Variants in OBSL1 observed in about 807,000 individuals in gnomAD.
OBSL1 encodes obscurin-like protein 1.
A neutral mutation model predicts 172.0 loss-of-function variants in OBSL1; 160 were observed. The observed-to-expected ratio is 0.93, with a 90% CI of 0.82 to 1.06. The LOEUF is 1.06. Among genes scored for constraint, OBSL1 ranks in the 50% least tolerant of loss-of-function variants. OBSL1 has a pLI of 0.00. For missense variants in OBSL1, 2,681 were observed against 2,715.4 expected (o/e 0.99, Z 0.28); for synonymous variants, 1,200 against 1,196.3 (o/e 1.00, Z -0.06).
At position 219,571,298 on chromosome 2, in the gene OBSL1, G is replaced by C. The variant is rs1178460789; in HGVS notation, c.-66C>G. ...CAGGGGGGGGTGCGGAGGGCGAGCCGAGGCCCGGGGCGGCGGGGTCGGGGC... is the reference window on the plus strand; with the variant it reads ...CAGGGGGGGGTGCGGAGGGCGAGCCCAGGCCCGGGGCGGCGGGGTCGGGGC... On this transcript the variant is annotated 5_prime_UTR_variant, in exon 1 of 21. Transcript: ENST00000404537. 8 of 985,444 alleles carry C rather than the reference G, an allele frequency of 8.1e-6. No individual in the cohort carries two copies. Among genetic ancestry groups the C allele is most frequent in the East Asian group, 6.8e-5 (2 of 29,326 alleles). The allele number at this position is 985,444 out of a possible 1,614,324, so 61.0% of individuals were successfully genotyped here.
rs758572478 is a variant in OBSL1 at position 219,567,772 on chromosome 2, C to T, written c.1480G>A (p.Glu494Lys). Residue 494 changes from glutamate to lysine, a missense_variant, in exon 3 of 21, where the codon GAG (glutamate) becomes AAG (lysine). Physicochemically the swap from Glu to Lys is moderately conservative, Grantham distance 56. This residue lies in a region of OBSL1 where 706 missense variants were observed against 695.8 expected (regional missense o/e 1.01). Coordinates refer to ENST00000404537, the MANE Select transcript of OBSL1 (RefSeq NM_015311.3). ...GAGTTGCCCAGGCTAAAGGTGACCT[C>T]GCCAGCATCCTCTCGGGTGACCCCT... is the stretch of plus-strand genomic sequence containing the variant. ...LPGVTREDAG[E>K]VTFSLGNSRT... The T allele has an allele frequency of 2.7e-5, 43 of 1,613,758 alleles. No homozygotes were observed. In the South Asian group the frequency reaches 2.9e-4, roughly 11 times the overall value.
At position 219,552,506 on chromosome 2, in the gene OBSL1, G is replaced by T. The variant is rs60549465; in HGVS notation, c.5308+30C>A. On this transcript the variant is annotated intron_variant, in intron 18 of 20. Transcript: ENST00000404537. ...GTTCGAGCCTGGGCGGGGCAGCGAG[G>T]GGCCCGAAAGGGTAACCAGGCGGGC... 699,812 of 1,574,090 alleles carry T rather than the reference G, an allele frequency of 0.44. 160,415 individuals carry two copies. Among genetic ancestry groups the T allele is most frequent in the Admixed American group, 0.51 (29,539 of 57,606 alleles).
intron 20 of OBSL1, 105 bp downstream of exon 20, chr2:219,551,424 C>A: frequency 7.1e-7 from 1 of 1,406,752 alleles, no homozygotes; most frequent in Non-Finnish European, 9.5e-7. Flanking sequence ...TATCCCAGGA[C>A]CCGTTGCCAC....
intron 17 of OBSL1, 28 bp from the exon 18 acceptor site, chr2:219,552,725 G>A (rs1227858367): frequency 2.0e-6 from 3 of 1,516,018 alleles, no homozygotes; most frequent in East Asian, 2.5e-5. Context: ...GCGTGAGCGG[G>A]GCGGGGCAGA....
At position 219,563,458 on chromosome 2, in the gene OBSL1, C is replaced by A. The variant is rs141559295; in HGVS notation, c.2577G>T (p.Gly859=). ...CGGGCAGCACCAGGCGGCGATGGGG[C>A]CCCTCATTCTCCAGCACCACGAAGT... The part of the protein sequence containing the change: ...ESDFVVLENE[G]PHRRLVLPAT... Residue 859 remains glycine, a synonymous_variant, in exon 7 of 21, where the codon GGG becomes GGT. Coordinates refer to ENST00000404537, the MANE Select transcript of OBSL1 (RefSeq NM_015311.3). The A allele has an allele frequency of 1.1e-3, 1,829 of 1,613,834 alleles. 38 individuals are homozygous for A. The East Asian group carries it at 0.036, about 32-fold the overall frequency.
intron 8 of OBSL1, 86 bp downstream of exon 8, chr2:219,562,316 C>T (rs899680179): frequency 2.1e-5 from 31 of 1,512,166 alleles, no homozygotes; most frequent in African/African-American, 1.1e-4. Context: ...CCCTCCTCCC[C>T]GGGGTGCTAG....
Position 219,551,608 on chromosome 2 carries a change from A to T in OBSL1, c.5604T>A (p.His1868Gln). Residue 1868 changes from histidine (H) to glutamine (Q), a missense_variant, in exon 20 of 21, where the codon CAT (histidine) becomes CAA (glutamine). His to Gln is a conservative substitution (Grantham distance 24). Coordinates refer to ENST00000404537, the MANE Select transcript of OBSL1 (RefSeq NM_015311.3). ...SHGPTHSLVI[H>Q]DVRPEDQGTY... ...TGCCTTGGTCCTCAGGTCGAACGTCATGGATGACCAGGCTGTGGGTGGGGC... is the reference window on the plus strand; with the variant it reads ...TGCCTTGGTCCTCAGGTCGAACGTCTTGGATGACCAGGCTGTGGGTGGGGC... 6.2e-7 allele frequency: 1 copy of T among 1,611,390 alleles called. No individual in the cohort carries two copies. Among genetic ancestry groups the T allele is most frequent in the South Asian group, 1.1e-5 (1 of 90,432 alleles).
chr2:219,555,958 G>C, intron 14 of OBSL1, 62 bp downstream of exon 14: 1 of 1,578,542 alleles, frequency 6.3e-7, no homozygotes, highest in East Asian at 2.3e-5. Context: ...GGGACTCCAG[G>C]ACAGCCAGAA....
downstream of OBSL1, chr2:219,548,026 G>C: frequency 6.3e-7 from 1 of 1,590,350 alleles, no homozygotes; most frequent in Non-Finnish European, 8.5e-7. Context: ...TGCTCAGCCT[G>C]ATGGGCGTTC....
intron 7 of OBSL1, chr2:219,563,076 C>A: frequency 2.0e-6 from 1 of 502,488 alleles, no homozygotes. Context: ...TCTGCCCTAC[C>A]CTGCAATAGA....
rs760689080 is a variant in OBSL1 at position 219,558,232 on chromosome 2, C to G, written c.3454G>C (p.Val1152Leu). Residue 1152 changes from valine (V) to leucine (L), a missense_variant, in exon 10 of 21, where the codon GTG (valine) becomes CTG (leucine). By Grantham distance (32) the Val-to-Leu change is conservative. This residue lies in a region of OBSL1 where 1,765 missense variants were observed against 1,748.3 expected (regional missense o/e 1.01). Coordinates refer to ENST00000404537, the MANE Select transcript of OBSL1 (RefSeq NM_015311.3). ...ATGGCCTCATGCCGGGTCTCACACA[C>G]ATACTCCCCGGCGTCCTCAGGCTGG... The part of the protein sequence containing the change: ...HAQPEDAGEY[V>L]CETRHEAITF... 3 of 1,610,676 alleles carry G rather than the reference C, an allele frequency of 1.9e-6. No individual in the cohort carries two copies. Among genetic ancestry groups the G allele is most frequent in the Non-Finnish European group, 2.5e-6 (3 of 1,178,008 alleles).
At chr2:219,552,750 C>A in intron 17 of OBSL1, 53 bp from the exon 18 acceptor site, 1 of 1,512,574 alleles carries the variant, frequency 6.6e-7, no homozygotes. Flanking sequence ...AGTTACCGGT[C>A]ACGCCCCCTC....
chr2:219,555,035 G>GTTTT, intron 14 of OBSL1: 2 of 437,746 alleles, frequency 4.6e-6, no homozygotes, highest in East Asian at 7.1e-5. Flanking sequence ...GGAATTTGGA[G>GTTTT]TCAGACACAC....
rs758669839 is a variant in OBSL1 at position 219,570,466 on chromosome 2, C to T, written c.767G>A (p.Trp256Ter). The change falls in exon 1 of 21, where the codon TGG becomes TAG. Residue 256 changes from tryptophan to a stop codon, truncating the protein, a stop_gained. Coordinates refer to ENST00000404537, the MANE Select transcript of OBSL1 (RefSeq NM_015311.3). LOFTEE classifies it high-confidence loss of function. The part of the protein sequence containing the change: ...EPLKCAPKTF[W>*]VNEGKHAKFR... ...CTTGGCGTGCTTGCCCTCGTTCACC[C>T]AGAAGGTCTTAGGCGCGCACTTGAG... 1.2e-6 allele frequency: 2 copies of T among 1,612,880 alleles called. No individual in the cohort carries two copies. The highest frequency in any genetic ancestry group is 1.3e-5 in the African/African-American group (1 of 74,882).
At chr2:219,547,727 G>A (rs761312509), downstream of OBSL1, 26 of 1,586,326 alleles carry the variant, frequency 1.6e-5, no homozygotes, top group Middle Eastern at 1.8e-4. Flanking sequence ...CCTGCTGCTC[G>A]CAGCTGCTGC....
Position 219,558,344 on chromosome 2 carries a change from C to T in OBSL1, c.3342G>A (p.Trp1114Ter), listed in dbSNP as rs903158571. The T allele has an allele frequency of 2.5e-6, 4 of 1,612,444 alleles. No homozygotes were observed. The highest frequency in any genetic ancestry group is 2.7e-5 in the African/African-American group (2 of 74,928). Residue 1114 changes from tryptophan (W) to a stop codon, truncating the protein, a stop_gained, in exon 10 of 21, where the codon TGG (tryptophan) becomes TGA (stop). Coordinates refer to ENST00000404537, the MANE Select transcript of OBSL1 (RefSeq NM_015311.3). LOFTEE classifies it high-confidence loss of function. ...CCTCCACTTCCAGCCCGTCCTTGTA[C>T]CAGCGCACCTGAGACCCAGCTGGGG... ...EVAPAGSQVR[W>*]YKDGLEVEAS...
chr2:219,558,060 C>T lies in OBSL1; in HGVS notation c.3553G>A (p.Val1185Met), dbSNP rs1696164999. 6.2e-7 allele frequency: 1 copy of T among 1,613,566 alleles called. No homozygotes were observed. Among genetic ancestry groups the T allele is most frequent in the African/African-American group, 1.3e-5 (1 of 74,946 alleles). Residue 1185 changes from valine (V) to methionine (M), a missense_variant, in exon 11 of 21, where the codon GTG becomes ATG. Transcript: ENST00000404537. ...ALETTPSPLC[V>M]APGEPVVLSC... is the part of the protein sequence containing the mutation. ...AGCACCACTGGCTCCCCAGGGGCCA[C>T]ACAGAGCGGGCTTGGAGTTGTCTCT...
At chr2:219,559,620 G>T in intron 8 of OBSL1, 123 bp from the exon 9 acceptor site, 2 of 840,452 alleles carry the variant, frequency 2.4e-6, no homozygotes, top group Non-Finnish European at 3.7e-6. Context: ...ATAATAATAA[G>T]CAATAATAGG....
Position 219,571,272 on chromosome 2 carries a change from G to A in OBSL1, c.-40C>T, listed in dbSNP as rs780591911. ...GCCTGCAGCGGCGAACGGTGGGGGG[G>A]CAGGGGGGGGTGCGGAGGGCGAGCC... On this transcript the variant is annotated 5_prime_UTR_variant, in exon 1 of 21. Transcript: ENST00000404537. The A allele has an allele frequency of 5.2e-6, 6 of 1,156,836 alleles. No homozygotes were observed. The highest frequency in any genetic ancestry group is 6.5e-5 in the East Asian group (2 of 30,778). The allele number at this position is 1,156,836 out of a possible 1,614,324, so 71.7% of individuals were successfully genotyped here. A position where few individuals can be genotyped will look rare whatever the true frequency, so the allele number is the denominator to read the frequency against.
Sources: gnomAD v4.1 joint callset for allele counts on GRCh38, gnomAD v4.1.1 for gene constraint, gnomAD v4.1.1 regional missense constraint, MANE v1.5 for transcripts, NCBI Gene and HGNC (gene_info 2026-07-23, HGNC 2026-07-21) for gene names.